The following ABCB11 variants were observed in gnomAD, a reference collection of about 807,000 sequenced individuals.
The protein encoded by ABCB11 is ATP binding cassette subfamily B member 11, also known as bile salt export pump.
A neutral mutation model predicts 148.0 loss-of-function variants in ABCB11; 95 were observed. The observed-to-expected ratio is 0.64, with a 90% confidence interval of 0.54 to 0.76. The LOEUF is 0.76. ABCB11 is among the 30% of genes least tolerant of loss of function. The probability of loss-of-function intolerance (pLI) is 0.00; values close to 1 mark genes in which losing one functional copy is unlikely to be tolerated. For missense variants in ABCB11, 1,523 were observed against 1,617.8 expected, an observed-to-expected ratio of 0.94 and a Z score of 1.01; for synonymous variants, 591 against 555.4, an observed-to-expected ratio of 1.06 and a Z score of -0.90.
chr2:168,950,098 T>C (rs1692490179), intron 19 of ABCB11, among the ~76,000 whole-genome samples: 1 of 149,914 alleles, frequency 6.7e-6, no homozygotes, highest in African/African-American at 2.5e-5. Context: ...CTCCTATATA[T>C]ATATAAAATG....
chr2:168,993,532 C>CCT (rs1694610125), intron 8 of ABCB11, among the ~76,000 whole-genome samples, 179 bp downstream of exon 8: 1 of 152,048 alleles, frequency 6.6e-6, no homozygotes, highest in African/African-American at 2.4e-5. Context: ...ATTAAAACAT[C>CCT]ATTAATCCCT....
chr2:168,934,396 C>A (rs897921224), intron 23 of ABCB11, among the ~76,000 whole-genome samples: 5 of 152,138 alleles, frequency 3.3e-5, no homozygotes, highest in African/African-American at 7.2e-5. Flanking sequence ...ACCCTTACCC[C>A]CCGACTCGCC....
intron 25 of ABCB11, among the ~76,000 whole-genome samples, chr2:168,929,452 A>G (rs1691468815): frequency 6.6e-6 from 1 of 152,212 alleles, no homozygotes; most frequent in Non-Finnish European, 1.5e-5. Context: ...TATAATGTAA[A>G]TGTAACTCAC....
At chr2:169,021,048 C>T (rs1695523713) in intron 1 of ABCB11, among the ~76,000 whole-genome samples, 2 of 152,056 alleles carry the variant, frequency 1.3e-5, no homozygotes, top group South Asian at 2.1e-4. Flanking sequence ...CTGCAACCTC[C>T]ACCTCTTGGG....
At chr2:169,013,196 A>T in intron 5 of ABCB11, 76 bp downstream of exon 5, 2 of 1,125,352 alleles carry the variant, frequency 1.8e-6, no homozygotes, top group Non-Finnish European at 2.6e-6. Context: ...AGCCAGTAAA[A>T]TCCCCTCTAT....
intron 5 of ABCB11, among the ~76,000 whole-genome samples, chr2:169,003,195 A>G (rs1694925769): frequency 6.6e-6 from 1 of 151,772 alleles, no homozygotes; most frequent in Non-Finnish European, 1.5e-5. Flanking sequence ...CATATGAGTG[A>G]GAACATACAC....
chr2:169,007,207 C>T (rs1310575472), intron 5 of ABCB11, among the ~76,000 whole-genome samples: 1 of 152,044 alleles, frequency 6.6e-6, no homozygotes, highest in African/African-American at 2.4e-5. Context: ...CTCTTAATTA[C>T]AGTAAATTGA....
chr2:168,968,314 A>T (rs1693406508), intron 17 of ABCB11, 113 bp downstream of exon 17: 2 of 915,970 alleles, frequency 2.2e-6, no homozygotes, highest in African/African-American at 1.7e-5. Context: ...AAGACCTGGC[A>T]GTCTACTCAG....
downstream of ABCB11, among the ~76,000 whole-genome samples, chr2:168,920,245 T>C (rs1286465708): frequency 2.0e-5 from 3 of 152,208 alleles, no homozygotes; most frequent in East Asian, 5.8e-4. Flanking sequence ...TTCCCTCATT[T>C]TCTAAAATTT....
chr2:168,995,480 T>C lies in ABCB11; in HGVS notation c.480A>G (p.Ile160Met). The C allele has an allele frequency of 6.2e-7, 1 of 1,609,488 alleles. No homozygotes were observed. Among genetic ancestry groups the C allele is most frequent in the Non-Finnish European group, 8.5e-7 (1 of 1,177,936 alleles). ...VAVLITGYIQ[I>M]CFWVIAAARQ... is the part of the protein sequence containing the mutation. ...GAGCTGCGGCAATGACCCAAAAGCA[T>C]ATCTGGAAATGGACAAAGGAATGTT... The change falls in exon 7 of 28, where the codon ATA becomes ATG. Residue 160 changes from isoleucine to methionine, a missense_variant and splice_region_variant. Physicochemically the swap from Ile to Met is conservative, Grantham distance 10. Coordinates refer to ENST00000650372, the MANE Select transcript of ABCB11 (RefSeq NM_003742.4).
intron 1 of ABCB11, among the ~76,000 whole-genome samples, chr2:169,019,004 G>C (rs902378955): frequency 6.6e-6 from 1 of 151,210 alleles, no homozygotes; most frequent in African/African-American, 2.5e-5. Flanking sequence ...CGAGAGGACT[G>C]TAAGTGCCCC....
chr2:168,944,507 C>A (rs1395674295), intron 21 of ABCB11, 98 bp downstream of exon 21: 2 of 1,330,104 alleles, frequency 1.5e-6, no homozygotes, highest in African/African-American at 2.9e-5. Context: ...TCCCACTGGT[C>A]CCTATTCCAT....
chr2:168,985,790 C>A (rs775795191), intron 10 of ABCB11, among the ~76,000 whole-genome samples: 1 of 151,784 alleles, frequency 6.6e-6, no homozygotes, highest in African/African-American at 2.4e-5. Context: ...GGGGACTCAG[C>A]GGAAAAGGGT....
intron 18 of ABCB11, among the ~76,000 whole-genome samples, chr2:168,960,757 C>T (rs1693037907): frequency 6.6e-6 from 1 of 151,372 alleles, no homozygotes; most frequent in Non-Finnish European, 1.5e-5. Context: ...TTTGATATCT[C>T]CACTAAAAGA....
intron 5 of ABCB11, among the ~76,000 whole-genome samples, chr2:169,008,280 C>G (rs182660903): frequency 1.3e-5 from 2 of 152,138 alleles, no homozygotes; most frequent in Non-Finnish European, 2.9e-5. Context: ...CTCCTAAGGC[C>G]CTAAGAGAGA....
At chr2:168,983,907 T>G (rs1694222338) in intron 10 of ABCB11, among the ~76,000 whole-genome samples, 1 of 152,166 alleles carries the variant, frequency 6.6e-6, no homozygotes, top group Non-Finnish European at 1.5e-5. Context: ...ATATTTCATT[T>G]TTTGTTTCCC....
At position 168,922,695 on chromosome 2, in the gene ABCB11, C is replaced by T. The variant is rs4148804; in HGVS notation, c.*927G>A. Among the ~76,000 whole-genome samples, 18,826 of 152,080 alleles carry T rather than the reference C, an allele frequency of 0.12. 2,602 individuals are homozygous for T. Among genetic ancestry groups the T allele is most frequent in the African/African-American group, 0.32 (13,398 of 41,426 alleles). On this transcript the variant is annotated 3_prime_UTR_variant, in exon 28 of 28. Coordinates refer to ENST00000650372, the MANE Select transcript of ABCB11 (RefSeq NM_003742.4). ...TTGTAGATTCCTGCCGCCTTTAGTT[C>T]TATGTCATTCTGTGGTGTTTTGAGG...
chr2:168,945,603 A>C (rs569078285), intron 19 of ABCB11, among the ~76,000 whole-genome samples: 5 of 151,004 alleles, frequency 3.3e-5, no homozygotes, highest in African/African-American at 1.2e-4. Context: ...GGAAGGGAAG[A>C]AGGAAGAAAG....
At chr2:169,027,047 T>C (rs574327455) in intron 1 of ABCB11, among the ~76,000 whole-genome samples, 2 of 152,274 alleles carry the variant, frequency 1.3e-5, no homozygotes, top group Non-Finnish European at 2.9e-5. Flanking sequence ...TCTTAACAAA[T>C]TTACAATAAC....
Sources: allele counts gnomAD v4.1 joint callset (sites outside exome capture counted in the v4.1 genomes callset), GRCh38; gene constraint gnomAD v4.1.1; transcripts MANE v1.5; gene names NCBI Gene and HGNC (gene_info 2026-07-23, HGNC 2026-07-21).